MAP3K9: variants seen among roughly 807,000 people sequenced by gnomAD.
MAP3K9 encodes mitogen-activated protein kinase kinase kinase 9.
MAP3K9 carries 46 observed loss-of-function variants against 95.8 expected under a neutral mutation model. The ratio of observed to expected loss-of-function variants is 0.48; its 90% CI spans 0.38 to 0.61. The LOEUF (loss-of-function observed/expected upper bound fraction) is 0.61. MAP3K9 is among the 20% of genes least tolerant of loss of function. The probability of loss-of-function intolerance (pLI) is 0.00; values close to 1 mark genes in which losing one functional copy is unlikely to be tolerated. For synonymous variants in MAP3K9, 533 were observed against 593.8 expected (o/e 0.90, Z 1.49); for missense variants, 1,296 against 1,474.3 (o/e 0.88, Z 1.98).
intron 2 of MAP3K9, among the ~76,000 whole-genome samples, chr14:70,775,375 T>A (rs952864603): frequency 6.6e-6 from 1 of 152,198 alleles, no homozygotes; most frequent in Non-Finnish European, 1.5e-5. Context: ...ATTTGAATCT[T>A]GCTCTGGCTT....
chr14:70,761,390 C>T (rs1445948787), intron 2 of MAP3K9, among the ~76,000 whole-genome samples: 1 of 152,198 alleles, frequency 6.6e-6, no homozygotes, highest in Non-Finnish European at 1.5e-5. Context: ...ATCTCTAATC[C>T]TCACAACAAC....
intron 2 of MAP3K9, among the ~76,000 whole-genome samples, chr14:70,783,964 C>G (rs900119945): frequency 2.0e-5 from 3 of 152,190 alleles, no homozygotes; most frequent in African/African-American, 7.2e-5. Flanking sequence ...TATCTGAAAT[C>G]TATATATACT....
At chr14:70,791,467 G>A (rs1441320897) in intron 2 of MAP3K9, among the ~76,000 whole-genome samples, 4 of 152,208 alleles carry the variant, frequency 2.6e-5, no homozygotes, top group Non-Finnish European at 4.4e-5. Context: ...GCTGGGAAAT[G>A]AAGGCACGTG....
intron 10 of MAP3K9, chr14:70,733,816 G>GA (rs746369819): frequency 1.4e-6 from 1 of 718,068 alleles, no homozygotes; most frequent in South Asian, 1.5e-5. Context: ...AAAGCAGGCA[G>GA]AAAAAGGGGG....
intron 2 of MAP3K9, among the ~76,000 whole-genome samples, chr14:70,763,136 T>C (rs1188422368): frequency 7.9e-5 from 12 of 152,238 alleles, no homozygotes; most frequent in Admixed American, 7.9e-4. Flanking sequence ...GCTGTGGCAA[T>C]AACAAACTGT....
chr14:70,791,781 A>G (rs1288225572), intron 2 of MAP3K9, among the ~76,000 whole-genome samples: 1 of 152,156 alleles, frequency 6.6e-6, no homozygotes, highest in Non-Finnish European at 1.5e-5. Context: ...TTGACTTTAC[A>G]TTTTGTGCCA....
rs750161590 is a variant in MAP3K9 at position 70,808,954 on chromosome 14, A to T, written c.218T>A (p.Leu73Gln). Residue 73 changes from leucine (L) to glutamine (Q), a missense_variant, in exon 1 of 12, where the codon CTG becomes CAG. Transcript: ENST00000554752. ...CACCTCCACCACGTCGCCCAGCCGC[A>T]GGGTCAGCTCGTCCTCGCCCGCCGC... ...YEAAGEDELT[L>Q]RLGDVVEVLS... 1.3e-6 allele frequency: 2 copies of T among 1,579,432 alleles called. No individual in the cohort carries two copies. The highest frequency in any genetic ancestry group is 2.3e-5 in the East Asian group (1 of 43,146).
intron 1 of MAP3K9, among the ~76,000 whole-genome samples, chr14:70,803,358 A>C (rs960112613): frequency 5.0e-5 from 7 of 140,898 alleles, no homozygotes; most frequent in African/African-American, 1.8e-4. Context: ...AAAAAAAAAA[A>C]AAAACTGAAC....
At chr14:70,745,857 A>C (rs2054139845) in intron 5 of MAP3K9, among the ~76,000 whole-genome samples, 1 of 152,234 alleles carries the variant, frequency 6.6e-6, no homozygotes, top group South Asian at 2.1e-4. Flanking sequence ...TAAATGAATG[A>C]AGAGAAATAA....
chr14:70,803,337 T>TAAAAAAAAAAAA (rs10583563), intron 1 of MAP3K9, among the ~76,000 whole-genome samples: 3 of 75,200 alleles, frequency 4.0e-5, no homozygotes, highest in South Asian at 4.3e-4. Context: ...ATTCAGATCT[T>TAAAAAAAAAAAA]AAAAAAAAAA....
intron 3 of MAP3K9, chr14:70,752,994 A>C (rs1417491461): frequency 6.6e-6 from 1 of 152,264 alleles, no homozygotes; most frequent in African/African-American, 2.4e-5. Flanking sequence ...TCTACAGCTA[A>C]AAGGAATGTG....
At chr14:70,804,059 A>G (rs2054962799) in intron 1 of MAP3K9, among the ~76,000 whole-genome samples, 1 of 152,218 alleles carries the variant, frequency 6.6e-6, no homozygotes, top group African/African-American at 2.4e-5. Context: ...TTCATAGCCA[A>G]GTGGTTGCCT....
rs2053861646 is a variant in MAP3K9 at position 70,729,283 on chromosome 14, G to A, written c.*1097C>T. On this transcript the variant is annotated 3_prime_UTR_variant, in exon 12 of 12. Transcript: ENST00000554752. The stretch of plus-strand genomic sequence containing the variant: ...CACAACATGGATGGCCCAGTTGAGA[G>A]TGAATTCCCAAGTCCCAATGTCCAG... 1 of 152,252 alleles carries A rather than the reference G, an allele frequency of 6.6e-6. No homozygotes were observed. Among genetic ancestry groups the A allele is most frequent in the Non-Finnish European group, 1.5e-5 (1 of 68,076 alleles). The allele number at this position is 152,252 out of a possible 1,614,324, so 9.4% of individuals were successfully genotyped here.
At chr14:70,794,990 C>CTTTTTTGTTTT (rs2054847448) in intron 2 of MAP3K9, among the ~76,000 whole-genome samples, 1 of 76,800 alleles carries the variant, frequency 1.3e-5, no homozygotes, top group Non-Finnish European at 2.4e-5. Flanking sequence ...TTTTCTTTTC[C>CTTTTTTGTTTT]TTTTTTTTTT....
intron 2 of MAP3K9, among the ~76,000 whole-genome samples, chr14:70,782,036 C>T (rs1340212670): frequency 6.6e-6 from 1 of 152,196 alleles, no homozygotes; most frequent in Non-Finnish European, 1.5e-5. Context: ...CCTACCTGCC[C>T]TATTACCAAC....
chr14:70,754,368 A>G (rs1278943601), intron 3 of MAP3K9, among the ~76,000 whole-genome samples: 1 of 152,162 alleles, frequency 6.6e-6, no homozygotes, highest in African/African-American at 2.4e-5. Flanking sequence ...AACACACCCA[A>G]ATATCAATAC....
chr14:70,733,386 G>A (rs1008338282), intron 10 of MAP3K9, 44 bp from the exon 11 acceptor site: 7 of 860,180 alleles, frequency 8.1e-6, no homozygotes, highest in African/African-American at 1.7e-5. Flanking sequence ...AAATGGAAAT[G>A]AGGTGGCAGG....
In MAP3K9 at chr14:70,809,061, C is replaced by T. The variant is rs1261906094; in HGVS notation, c.111G>A (p.Glu37=). ...AGAEEEEEEE[E]EAAAAVGPGE... Reference sequence around the variant, plus strand: ...CGGGGCCCACCGCCGCCGCCGCCTCCTCCTCCTCCTCCTCCTCCTCCTCGG... The same window carrying T: ...CGGGGCCCACCGCCGCCGCCGCCTCTTCCTCCTCCTCCTCCTCCTCCTCGG... The change falls in exon 1 of 12, where the codon GAG becomes GAA. Residue 37 remains glutamate, a synonymous_variant. Coordinates refer to ENST00000554752, the MANE Select transcript of MAP3K9 (RefSeq NM_001284230.2). 1.5e-6 allele frequency: 2 copies of T among 1,343,674 alleles called. No individual in the cohort carries two copies. The highest frequency in any genetic ancestry group is 1.9e-6 in the Non-Finnish European group (2 of 1,028,584). The allele number at this position is 1,343,674 out of a possible 1,614,324, so 83.2% of individuals were successfully genotyped here.
chr14:70,768,181 C>T (rs1418219516), intron 2 of MAP3K9, among the ~76,000 whole-genome samples: 9 of 152,002 alleles, frequency 5.9e-5, no homozygotes, highest in African/African-American at 1.2e-4. Flanking sequence ...AAAGGATAAA[C>T]GCTTGAGGGG....
Sources: gnomAD v4.1 joint callset for allele counts (sites outside exome capture counted in the v4.1 genomes callset) on GRCh38, gnomAD v4.1.1 for gene constraint, MANE v1.5 for transcripts, NCBI Gene and HGNC (gene_info 2026-07-23, HGNC 2026-07-21) for gene names.